EEF1E1: variants seen among roughly 807,000 people sequenced by gnomAD.
EEF1E1 encodes eukaryotic translation elongation factor 1 epsilon-1.
Under a neutral mutation model 19.9 loss-of-function variants are expected in EEF1E1, and 19 were observed. The observed-to-expected ratio is 0.95, with a 90% CI of 0.66 to 1.40. The LOEUF is 1.40. EEF1E1 is among the 40% of genes most tolerant of loss of function. EEF1E1 has a pLI of 0.00. For missense variants in EEF1E1, 198 were observed against 202.2 expected, an observed-to-expected ratio of 0.98 and a Z score of 0.13; for synonymous variants, 81 against 80.0, an observed-to-expected ratio of 1.01 and a Z score of -0.07.
chr6:8,101,611 A>C (rs1352377258), intron 1 of EEF1E1, among the ~76,000 whole-genome samples: 4 of 152,078 alleles, frequency 2.6e-5, no homozygotes, highest in Non-Finnish European at 4.4e-5. Context: ...GACAAAAACC[A>C]AACATCATTT....
intron 1 of EEF1E1, among the ~76,000 whole-genome samples, chr6:8,100,551 C>T (rs1236066276): frequency 6.6e-6 from 1 of 152,116 alleles, no homozygotes; most frequent in African/African-American, 2.4e-5. Context: ...CAGCTATCAC[C>T]GGACCTTCGG....
At position 8,097,384 on chromosome 6, in the gene EEF1E1, T is replaced by C; in HGVS notation, c.171A>G (p.Lys57=). The change falls in exon 2 of 4, where the codon AAA becomes AAG. Residue 57 remains lysine, a synonymous_variant. Transcript: ENST00000379715. Reference sequence around the variant, plus strand: ...CTGCAGTACTCCCCAGCAAATATTCTTTGTTGGCTTGCTTGACTAGATGAG... The same window carrying C: ...CTGCAGTACTCCCCAGCAAATATTCCTTGTTGGCTTGCTTGACTAGATGAG... ...IAAHLVKQAN[K]EYLLGSTAEE... is the part of the protein sequence containing the mutation. 1 of 1,614,182 alleles carries C rather than the reference T, an allele frequency of 6.2e-7. No individual in the cohort carries two copies.
chr6:8,080,111 G>T, intron 3 of EEF1E1, 81 bp from the exon 4 acceptor site: 1 of 1,493,974 alleles, frequency 6.7e-7, no homozygotes, highest in Non-Finnish European at 9.1e-7. Flanking sequence ...GTAGGAGATA[G>T]AAGTTGAAAA....
intron 1 of EEF1E1, among the ~76,000 whole-genome samples, chr6:8,098,281 G>A (rs753241026): frequency 7.2e-5 from 11 of 151,898 alleles, no homozygotes; most frequent in East Asian, 5.8e-4. Flanking sequence ...CACCACACCC[G>A]GAAGTTTTTT....
At position 8,099,785 on chromosome 6, in the gene EEF1E1, C is replaced by CA. The variant is rs1158370694; in HGVS notation, c.88-2319dup. Reference sequence around the variant, plus strand: ...ACACACACACACACACACACACACACACACACAAAAAAAAAACAGAACCCT... The same window carrying CA: ...ACACACACACACACACACACACACACAACACACAAAAAAAAAACAGAACCCT... On this transcript the variant is annotated intron_variant, in intron 1 of 3. Transcript: ENST00000379715. Among the ~76,000 whole-genome samples, 29 of 94,410 alleles carry CA rather than the reference C, an allele frequency of 3.1e-4. 1 individual carries two copies. Among genetic ancestry groups the CA allele is most frequent in the African/African-American group, 1.3e-3 (24 of 18,546 alleles). 61.9% of individuals were successfully genotyped at this position (94,410 alleles called of 152,430 possible).
chr6:8,085,601 T>C (rs1284580582), intron 3 of EEF1E1, among the ~76,000 whole-genome samples: 3 of 152,246 alleles, frequency 2.0e-5, no homozygotes, highest in African/African-American at 4.8e-5. Flanking sequence ...GGAATATTCA[T>C]TCTACTTCAC....
chr6:8,073,508 T>C, exon 4 of EEF1E1: 2 of 1,551,640 alleles, frequency 1.3e-6, no homozygotes, highest in Non-Finnish European at 1.7e-6. Flanking sequence ...TCAGCTTCCT[T>C]ATCTGCAAAA....
chr6:8,078,702 A>G, downstream of EEF1E1: 2 of 1,286,594 alleles, frequency 1.6e-6, no homozygotes, highest in Non-Finnish European at 2.0e-6. Flanking sequence ...GGCCTGTTAC[A>G]ATCCTCATTT....
At chr6:8,080,725 C>G (rs957040141) in intron 3 of EEF1E1, among the ~76,000 whole-genome samples, 1 of 152,190 alleles carries the variant, frequency 6.6e-6, no homozygotes, top group Non-Finnish European at 1.5e-5. Context: ...TGAGAGTTAT[C>G]AGGTAAAGAG....
At chr6:8,089,628 C>G (rs1012133569) in intron 3 of EEF1E1, among the ~76,000 whole-genome samples, 4 of 152,330 alleles carry the variant, frequency 2.6e-5, no homozygotes, top group Non-Finnish European at 5.9e-5. Flanking sequence ...CCTTCCCCAG[C>G]CCACTGACTC....
In EEF1E1 at chr6:8,090,240, C is replaced by T. The variant is rs143767334; in HGVS notation, c.330G>A (p.Gly110=). 1,391 of 1,514,774 alleles carry T rather than the reference C, an allele frequency of 9.2e-4. No homozygotes were observed. The highest frequency in any genetic ancestry group is 1.5e-3 in the Admixed American group (62 of 40,066). The allele number at this position is 1,514,774 out of a possible 1,614,324, so 93.8% of individuals were successfully genotyped here. ...GTATATCTGCTAATGTAAAGTTATA[C>T]CCTGTAAGGTAGACTTTATCTTCAA... is the stretch of plus-strand genomic sequence containing the variant. ...SYLEDKVYLT[G]YNFTLADILL... The change falls in exon 3 of 4, where the codon GGG becomes GGA. Residue 110 remains glycine (G), a synonymous_variant. Coordinates refer to ENST00000379715, the MANE Select transcript of EEF1E1 (RefSeq NM_004280.5).
chr6:8,102,488 T>G lies in EEF1E1; in HGVS notation c.34A>C (p.Lys12Gln). Residue 12 changes from lysine (K) to glutamine (Q), a missense_variant, in exon 1 of 4, where the codon AAG (lysine) becomes CAG (glutamine). Lys to Gln is a moderately conservative substitution (Grantham distance 53). Transcript: ENST00000379715. The part of the protein sequence containing the change: ...AAAAELSLLE[K>Q]SLGLSKGNKY... Reference sequence around the variant, plus strand: ...TTCCCCTTACTCAGTCCCAGGGACTTCTCCAGTAGCGACAACTCTGCGGCC... The same window carrying G: ...TTCCCCTTACTCAGTCCCAGGGACTGCTCCAGTAGCGACAACTCTGCGGCC... The G allele has an allele frequency of 6.2e-7, 1 of 1,612,150 alleles. No individual in the cohort carries two copies. Among genetic ancestry groups the G allele is most frequent in the Non-Finnish European group, 8.5e-7 (1 of 1,179,918 alleles).
At chr6:8,096,153 A>G (rs1306352092) in intron 2 of EEF1E1, among the ~76,000 whole-genome samples, 1 of 152,228 alleles carries the variant, frequency 6.6e-6, no homozygotes, top group Non-Finnish European at 1.5e-5. Flanking sequence ...CTATTAATAT[A>G]ACTTTTGAAT....
chr6:8,079,329 G>T, downstream of EEF1E1: 1 of 820,622 alleles, frequency 1.2e-6, no homozygotes, highest in Non-Finnish European at 1.5e-6. Context: ...TTTCCCGTAG[G>T]GCAGTTCAGT....
chr6:8,083,733 C>T (rs566257754), intron 3 of EEF1E1, among the ~76,000 whole-genome samples: 5 of 152,258 alleles, frequency 3.3e-5, no homozygotes, highest in Middle Eastern at 3.4e-3. Context: ...TTACATATTC[C>T]GTATTGAATA....
At chr6:8,084,392 G>A (rs1757794241) in intron 3 of EEF1E1, among the ~76,000 whole-genome samples, 1 of 152,166 alleles carries the variant, frequency 6.6e-6, no homozygotes, top group African/African-American at 2.4e-5. Flanking sequence ...CATTCTGCTG[G>A]CAAAGGAATT....
chr6:8,094,929 T>C (rs1438823009), intron 2 of EEF1E1, among the ~76,000 whole-genome samples: 2 of 152,218 alleles, frequency 1.3e-5, no homozygotes, highest in Non-Finnish European at 2.9e-5. Flanking sequence ...TCTAGCTTAC[T>C]TTAAGAATAC....
downstream of EEF1E1, chr6:8,078,397 T>C (rs1757649127): frequency 5.5e-6 from 1 of 180,218 alleles, no homozygotes. Flanking sequence ...TGGGCATGGC[T>C]TGTGGCACCC....
At chr6:8,088,446 T>C (rs768697290) in intron 3 of EEF1E1, among the ~76,000 whole-genome samples, 34 of 152,284 alleles carry the variant, frequency 2.2e-4, no homozygotes, top group Admixed American at 1.0e-3. Context: ...AATTGAATCA[T>C]GGGGGTAGGT....
Sources: gnomAD v4.1 joint callset for allele counts (sites outside exome capture counted in the v4.1 genomes callset) on GRCh38, gnomAD v4.1.1 for gene constraint, MANE v1.5 for transcripts, NCBI Gene and HGNC (gene_info 2026-07-23, HGNC 2026-07-21) for gene names.